The following PACRG variants were observed in gnomAD, a reference collection of about 807,000 sequenced individuals.
PACRG encodes parkin coregulated gene protein.
PACRG carries 29 observed loss-of-function variants against 29.7 expected under a neutral mutation model. The observed-to-expected ratio is 0.98, with a 90% confidence interval of 0.73 to 1.33. The LOEUF is 1.33. Ranked by LOEUF, PACRG falls within the 40% of genes most tolerant of loss-of-function variation. The pLI, the probability that PACRG is intolerant of heterozygous loss-of-function variation, is 0.00. For synonymous variants in PACRG, 116 were observed against 118.7 expected (o/e 0.98, Z 0.15); for missense variants, 279 against 316.2 (o/e 0.88, Z 0.89).
chr6:162,828,705 A>G (rs939917500), intron 2 of PACRG, among the ~76,000 whole-genome samples: 1 of 152,240 alleles, frequency 6.6e-6, no homozygotes, highest in African/African-American at 2.4e-5. Context: ...ATAAGGTGAC[A>G]TTAATGTGTA....
rs146813556 is a variant in PACRG, at chr6:162,790,655, C to T, written c.157-23492C>T. ...CTGTATATATCCCTTTTCCCAATCC[C>T]TTGTAAACCTGATTTTCCCTCTGCA... On this transcript the variant is annotated intron_variant, in intron 1 of 4. Transcript: ENST00000366888. Among the ~76,000 whole-genome samples the T allele has an allele frequency of 4.9e-4, 74 of 152,228 alleles. No homozygotes were observed. In the East Asian group the frequency reaches 0.014, roughly 28 times the overall value.
chr6:162,940,871 C>T (rs1425699993), intron 2 of PACRG, among the ~76,000 whole-genome samples: 1 of 152,132 alleles, frequency 6.6e-6, no homozygotes, highest in Non-Finnish European at 1.5e-5. Context: ...TTTTACTGGA[C>T]TATCAGAAAC....
At position 162,960,165 on chromosome 6, in the gene PACRG, A is replaced by G. The variant is rs1218293062; in HGVS notation, c.292-101985A>G. On this transcript the variant is annotated intron_variant, in intron 2 of 4. Coordinates refer to ENST00000366888, the MANE Select transcript of PACRG (RefSeq NM_001080379.2). ...CTTATAACACTGTTGGTGGGAATGT[A>G]AATTAGTTCATTCACTGTGGAAAGC... Among the ~76,000 whole-genome samples the G allele has an allele frequency of 2.6e-5, 4 of 152,246 alleles. No homozygotes were observed. The East Asian group carries it at 7.7e-4, about 29-fold the overall frequency.
chr6:163,290,598 C>T (rs1784567705), intron 4 of PACRG, among the ~76,000 whole-genome samples: 1 of 152,170 alleles, frequency 6.6e-6, no homozygotes, highest in Non-Finnish European at 1.5e-5. Context: ...CTCCAAGCCT[C>T]CATTGCCTCA....
At chr6:162,972,883 T>C (rs1801647410) in intron 2 of PACRG, among the ~76,000 whole-genome samples, 1 of 152,208 alleles carries the variant, frequency 6.6e-6, no homozygotes, top group Non-Finnish European at 1.5e-5. Flanking sequence ...ATATCTTCTA[T>C]AATGATTCTT....
chr6:163,175,412 G>A (rs766887883), intron 4 of PACRG, among the ~76,000 whole-genome samples: 5 of 151,938 alleles, frequency 3.3e-5, no homozygotes, highest in Non-Finnish European at 5.9e-5. Flanking sequence ...GTTGGCTTGC[G>A]GGGGAGTGGG....
intron 4 of PACRG, among the ~76,000 whole-genome samples, chr6:163,253,852 G>A (rs567818585): frequency 2.6e-5 from 4 of 152,172 alleles, no homozygotes; most frequent in Admixed American, 6.5e-5. Flanking sequence ...ACGTGCTCCC[G>A]GCCCTGCAGT....
chr6:162,967,593 G>A (rs1337487933), intron 2 of PACRG, among the ~76,000 whole-genome samples: 2 of 150,716 alleles, frequency 1.3e-5, no homozygotes, highest in Non-Finnish European at 2.9e-5. Flanking sequence ...TGCAAGCTCC[G>A]CCTCCCGGTT....
At chr6:163,026,919 G>C (rs189880044) in intron 2 of PACRG, among the ~76,000 whole-genome samples, 133 of 152,280 alleles carry the variant, frequency 8.7e-4, no homozygotes, top group African/African-American at 3.0e-3. Context: ...GTGTCTTTTG[G>C]GATTGTATTC....
chr6:163,065,948 A>C (rs1477577950), intron 3 of PACRG, among the ~76,000 whole-genome samples: 1 of 152,250 alleles, frequency 6.6e-6, no homozygotes, highest in Non-Finnish European at 1.5e-5. Flanking sequence ...AGGACATAGA[A>C]CACAAAAGAG....
At chr6:162,938,563 A>G (rs1798398106) in intron 2 of PACRG, among the ~76,000 whole-genome samples, 1 of 151,836 alleles carries the variant, frequency 6.6e-6, no homozygotes, top group Non-Finnish European at 1.5e-5. Context: ...TTAGCTCTTT[A>G]AGGAACTGCC....
At chr6:162,860,414 G>A (rs1015371043) in intron 2 of PACRG, among the ~76,000 whole-genome samples, 1 of 152,180 alleles carries the variant, frequency 6.6e-6, no homozygotes, top group Non-Finnish European at 1.5e-5. Context: ...CAATTCTTTA[G>A]AAAGTAAGTT....
chr6:162,868,620 C>G (rs952600327), intron 2 of PACRG, among the ~76,000 whole-genome samples: 1 of 152,120 alleles, frequency 6.6e-6, no homozygotes, highest in Non-Finnish European at 1.5e-5. Context: ...GGTGAGATCC[C>G]TACTCACAGC....
chr6:162,878,312 A>C (rs951839762), intron 2 of PACRG, among the ~76,000 whole-genome samples: 7 of 152,348 alleles, frequency 4.6e-5, no homozygotes, highest in Non-Finnish European at 1.0e-4. Context: ...TGAATAAGAA[A>C]ATTATTTTAA....
At chr6:162,944,407 CAT>C (rs1798853191) in intron 2 of PACRG, among the ~76,000 whole-genome samples, 1 of 151,936 alleles carries the variant, frequency 6.6e-6, no homozygotes. Flanking sequence ...ACACAAGAAA[CAT>C]AAAAAAGTGG....
intron 2 of PACRG, among the ~76,000 whole-genome samples, chr6:162,884,005 G>A (rs549286373): frequency 2.0e-5 from 3 of 152,126 alleles, no homozygotes; most frequent in South Asian, 4.2e-4. Context: ...ATGTGCAATC[G>A]TAGCTTACCG....
intron 4 of PACRG, among the ~76,000 whole-genome samples, chr6:163,211,581 A>G (rs1401864827): frequency 6.6e-6 from 1 of 152,150 alleles, no homozygotes; most frequent in Non-Finnish European, 1.5e-5. Context: ...GGACAAGAAC[A>G]CATTTGTTGT....
chr6:162,987,547 G>T (rs1294131590), intron 2 of PACRG, among the ~76,000 whole-genome samples: 1 of 152,062 alleles, frequency 6.6e-6, no homozygotes, highest in African/African-American at 2.4e-5. Context: ...TTTCTAAAGG[G>T]CAATTTCCCT....
At chr6:162,885,209 C>G (rs998995165) in intron 2 of PACRG, among the ~76,000 whole-genome samples, 1 of 150,378 alleles carries the variant, frequency 6.6e-6, no homozygotes. Flanking sequence ...TTTCAATGCT[C>G]TGCAGAGTTT....
Sources: allele counts gnomAD v4.1 joint callset (sites outside exome capture counted in the v4.1 genomes callset), GRCh38; gene constraint gnomAD v4.1.1; transcripts MANE v1.5; gene names NCBI Gene and HGNC (gene_info 2026-07-23, HGNC 2026-07-21).